The following TEX9 variants were observed in gnomAD, a reference collection of about 807,000 sequenced individuals.
The protein encoded by TEX9 is testis expressed 9, also known as testis-expressed protein 9.
A neutral mutation model predicts 59.6 loss-of-function variants in TEX9; 74 were observed. The ratio of observed to expected loss-of-function variants is 1.24; its 90% confidence interval spans 1.03 to 1.51. The LOEUF is 1.51. Among genes scored for constraint, TEX9 ranks in the 40% most tolerant of loss-of-function variants. The pLI is 0.00. For missense variants in TEX9, 522 were observed against 447.8 expected, an observed-to-expected ratio of 1.17 and a Z score of -1.49; for synonymous variants, 186 against 152.2, an observed-to-expected ratio of 1.22 and a Z score of -1.64.
intron 9 of TEX9, among the ~76,000 whole-genome samples, chr15:56,403,283 G>A (rs1038554135): frequency 3.9e-5 from 6 of 152,162 alleles, no homozygotes; most frequent in Non-Finnish European, 5.9e-5. Context: ...GAACTTCAGC[G>A]AAGTCTCAGG....
At chr15:56,426,626 T>TATATATATATATATATAC (rs1214988827) in intron 10 of TEX9, among the ~76,000 whole-genome samples, 5 of 47,202 alleles carry the variant, frequency 1.1e-4, no homozygotes, top group Non-Finnish European at 2.0e-4. Flanking sequence ...TATATATATA[T>TATATATATATATATATAC]ACACACACAC....
chr15:56,402,653 C>T (rs2048854643), intron 9 of TEX9, among the ~76,000 whole-genome samples: 1 of 152,138 alleles, frequency 6.6e-6, no homozygotes, highest in African/African-American at 2.4e-5. Context: ...CAACATCATC[C>T]TGATACCAAA....
chr15:56,389,243 ATG>A (rs1371974995), intron 5 of TEX9, 73 bp from the exon 6 acceptor site: 27 of 1,139,240 alleles, frequency 2.4e-5, no homozygotes, highest in Non-Finnish European at 3.4e-5. Flanking sequence ...GCAAAATTCT[ATG>A]TGTTACAGAA....
chr15:56,321,761 T>C (rs766153177), intron 1 of TEX9, among the ~76,000 whole-genome samples: 9 of 152,202 alleles, frequency 5.9e-5, no homozygotes, highest in Non-Finnish European at 1.3e-4. Context: ...CTTTCAGTCA[T>C]GCTTAATTAA....
chr15:56,394,834 G>T, exon 9 of TEX9: 1 of 1,602,152 alleles, frequency 6.2e-7, no homozygotes, highest in South Asian at 1.1e-5. Flanking sequence ...CAGTAGAAAG[G>T]GTAATTATTT....
intron 1 of TEX9, among the ~76,000 whole-genome samples, chr15:56,299,690 C>T (rs2045296126): frequency 6.6e-6 from 1 of 152,112 alleles, no homozygotes; most frequent in South Asian, 2.1e-4. Context: ...AACTTGGATA[C>T]CAGCTCAACC....
chr15:56,460,009 A>AAAAAAAAAAAAAATATATATATATAT, the TEX9 span, among the ~76,000 whole-genome samples: 5 of 26,386 alleles, frequency 1.9e-4, 1 homozygote, highest in South Asian at 1.5e-3. Context: ...AAAAAAAAAA[A>AAAAAAAAAAAAAATATATATATATAT]ATACATATAT....
chr15:56,324,380 G>A (rs1454814016), intron 1 of TEX9, among the ~76,000 whole-genome samples: 2 of 152,098 alleles, frequency 1.3e-5, no homozygotes, highest in Admixed American at 6.6e-5. Flanking sequence ...TGGGATATAT[G>A]TGTATAATTT....
intron 3 of TEX9, among the ~76,000 whole-genome samples, chr15:56,381,249 T>G (rs755173550): frequency 1.6e-4 from 25 of 152,164 alleles, no homozygotes; most frequent in Non-Finnish European, 2.9e-4. Flanking sequence ...TCTCGATTCT[T>G]TTTAATTATG....
At chr15:56,412,362 G>T (rs780746581) in exon 10 of TEX9, 3 of 1,613,552 alleles carry the variant, frequency 1.9e-6, no homozygotes, top group Non-Finnish European at 2.5e-6. Flanking sequence ...TGCCACAGAG[G>T]TTCGCTTGAA....
intron 1 of TEX9, among the ~76,000 whole-genome samples, chr15:56,265,125 G>A (rs2044350284): frequency 6.7e-6 from 1 of 149,706 alleles, no homozygotes; most frequent in Admixed American, 6.6e-5. Context: ...TAAAAGCTCA[G>A]ATCATTGATT....
intron 12 of TEX9, chr15:56,428,568 C>A: frequency 1.6e-6 from 1 of 636,464 alleles, no homozygotes; most frequent in Non-Finnish European, 2.6e-6. Flanking sequence ...AAAATAATTT[C>A]AAAGAATTCC....
At chr15:56,245,167 T>C (rs138833627) in intron 1 of TEX9, among the ~76,000 whole-genome samples, 6 of 152,298 alleles carry the variant, frequency 3.9e-5, no homozygotes, top group African/African-American at 1.2e-4. Flanking sequence ...TCTGATTGGC[T>C]TGGGTTGCCT....
chr15:56,269,481 A>C (rs2044471147), intron 1 of TEX9, among the ~76,000 whole-genome samples: 1 of 152,094 alleles, frequency 6.6e-6, no homozygotes. Flanking sequence ...TTCCCTCTAC[A>C]CACTGCTTAA....
intron 12 of TEX9, chr15:56,443,783 G>C (rs745360818): frequency 1.2e-6 from 2 of 1,612,666 alleles, no homozygotes; most frequent in Admixed American, 3.3e-5. Flanking sequence ...TCTCCAGAGA[G>C]CCTGCTCTTT....
intron 1 of TEX9, among the ~76,000 whole-genome samples, chr15:56,342,195 A>G (rs1482395530): frequency 6.6e-6 from 1 of 152,132 alleles, no homozygotes; most frequent in African/African-American, 2.4e-5. Flanking sequence ...AATAGTAACT[A>G]ATCTATGCCA....
rs562208994 is a variant in TEX9 at position 56,402,643 on chromosome 15, C to A, written c.828+7809C>A. On this transcript the variant is annotated intron_variant, in intron 9 of 12. Transcript: ENST00000352903. ...TCCTCCCTAACTCATTTTATGAGGC[C>A]AACATCATCCTGATACCAAAGCCTG... Among the ~76,000 whole-genome samples, 7 of 152,262 alleles carry A rather than the reference C, an allele frequency of 4.6e-5. No homozygotes were observed. The East Asian group carries it at 9.7e-4, about 21-fold the overall frequency.
At chr15:56,412,413 A>G in exon 10 of TEX9, 1 of 1,611,346 alleles carries the variant, frequency 6.2e-7, no homozygotes, top group Non-Finnish European at 8.5e-7. Context: ...ACTGGAGTTA[A>G]GTAAATTAAG....
intron 1 of TEX9, among the ~76,000 whole-genome samples, chr15:56,328,258 C>A (rs1336346267): frequency 6.6e-6 from 1 of 152,058 alleles, no homozygotes; most frequent in Admixed American, 6.5e-5. Context: ...CTGCTGCATT[C>A]AAGGGAAGCA....
Sources: gnomAD v4.1 joint callset for allele counts (sites outside exome capture counted in the v4.1 genomes callset) on GRCh38, gnomAD v4.1.1 for gene constraint, MANE v1.5 for transcripts, NCBI Gene and HGNC (gene_info 2026-07-23, HGNC 2026-07-21) for gene names.